The following PPL variants were observed in gnomAD, a reference collection of about 807,000 sequenced individuals.
PPL encodes the protein 190 kDa paraneoplastic pemphigus antigen.
Under a neutral mutation model 194.4 loss-of-function variants are expected in PPL, and 198 were observed. The ratio of observed to expected loss-of-function variants is 1.02; its 90% confidence interval spans 0.91 to 1.15. The LOEUF (loss-of-function observed/expected upper bound fraction) is 1.15, where lower values mean the gene tolerates loss of function less well. Among genes scored for constraint, PPL ranks in the 50% most tolerant of loss-of-function variants. The pLI, the probability that PPL is intolerant of heterozygous loss-of-function variation, is 0.00. For missense variants in PPL, 2,885 were observed against 2,294.8 expected (o/e 1.26, Z -5.25); for synonymous variants, 1,220 against 972.4 (o/e 1.25, Z -4.74).
intron 1 of PPL, among the ~76,000 whole-genome samples, chr16:4,926,559 G>A (rs17704487): frequency 0.12 from 18,554 of 152,072 alleles, 1,294 homozygotes; most frequent in African/African-American, 0.18. Flanking sequence ...GTAGGTTAAG[G>A]AAAAACACCC....
At chr16:4,891,764 C>G (rs1291122936) in intron 16 of PPL, 47 bp downstream of exon 16, 4 of 1,557,286 alleles carry the variant, frequency 2.6e-6, no homozygotes, top group East Asian at 2.3e-5. Context: ...GCCAGATGCT[C>G]TCACCTGCTC....
intron 2 of PPL, among the ~76,000 whole-genome samples, chr16:4,910,325 A>G (rs1245543603): frequency 6.6e-6 from 1 of 152,196 alleles, no homozygotes; most frequent in African/African-American, 2.4e-5. Flanking sequence ...CCTGTCCTAT[A>G]CCTGCATAAT....
chr16:4,936,590 G>A (rs2089301581), intron 1 of PPL, among the ~76,000 whole-genome samples: 2 of 152,202 alleles, frequency 1.3e-5, no homozygotes, highest in Non-Finnish European at 2.9e-5. Context: ...TTGAGTGCCC[G>A]GTCCTCCAAA....
In PPL at chr16:4,884,510, A is replaced by G. The variant is rs138912647; in HGVS notation, c.4145T>C (p.Ile1382Thr). The change falls in exon 22 of 22, where the codon ATT becomes ACT. Residue 1382 changes from isoleucine (I) to threonine (T), a missense_variant. By Grantham distance (89) the Ile-to-Thr change is moderately conservative. Transcript: ENST00000345988. The surrounding 1 kb of genome is among the most constrained non-coding windows in gnomAD (Gnocchi z 5.7). The stretch of plus-strand genomic sequence containing the variant: ...CCGCAGCTCTGCCCGCAGCTTGTCA[A>G]TCTGCCGCAGCTCCACATCGATGCT... ...AESIDVELRQ[I>T]DKLRAELRRL... 12 of 1,609,678 alleles carry G rather than the reference A, an allele frequency of 7.5e-6. No homozygotes were observed. Among genetic ancestry groups the G allele is most frequent in the African/African-American group, 4.0e-5 (3 of 74,788 alleles).
At chr16:4,905,361 T>C (rs924245287) in intron 2 of PPL, among the ~76,000 whole-genome samples, 4 of 152,128 alleles carry the variant, frequency 2.6e-5, no homozygotes, top group African/African-American at 7.2e-5. Context: ...GTGGGATCCA[T>C]TGATGTGAAG....
chr16:4,923,488 C>G lies in PPL; in HGVS notation c.63-12539G>C, dbSNP rs191692147. Among the ~76,000 whole-genome samples the G allele has an allele frequency of 1.2e-3, 185 of 152,308 alleles. 1 individual carries two copies. Among genetic ancestry groups the G allele is most frequent in the African/African-American group, 3.8e-3 (158 of 41,578 alleles). ...CCATGAATGGCAACCTTCCAGCCAT[C>G]AGCGACCTGGAAGGGGGCTCCCTGG... is the stretch of plus-strand genomic sequence containing the variant. On this transcript the variant is annotated intron_variant, in intron 1 of 21. Transcript: ENST00000345988.
Position 4,890,820 on chromosome 16 carries a change from G to T in PPL, c.2070C>A (p.Phe690Leu). ...GCTCCAGGTCCGGACAGTGCTCCTG[G>T]AAGCGGCTGGCCAGTGTGCTCGAGC... is the stretch of plus-strand genomic sequence containing the variant. ...KQCSSTLASR[F>L]QEHCPDLERQ... Residue 690 changes from phenylalanine (F) to leucine (L), a missense_variant, in exon 17 of 22, where the codon TTC (phenylalanine) becomes TTA (leucine). Physicochemically the swap from Phe to Leu is conservative, Grantham distance 22 (BLOSUM62 0). Coordinates refer to ENST00000345988, the MANE Select transcript of PPL (RefSeq NM_002705.5). 2 of 1,589,518 alleles carry T rather than the reference G, an allele frequency of 1.3e-6. No homozygotes were observed. Among genetic ancestry groups the T allele is most frequent in the Non-Finnish European group, 8.6e-7 (1 of 1,168,284 alleles).
At chr16:4,903,774 TA>T in intron 3 of PPL, 111 bp downstream of exon 3, 1 of 1,255,520 alleles carries the variant, frequency 8.0e-7, no homozygotes, top group Non-Finnish European at 1.1e-6. Context: ...GCCTGGCACC[TA>T]ATTAGCCCTT....
Position 4,883,569 on chromosome 16 carries a change from C to A in PPL, c.5086G>T (p.Glu1696Ter). ...TTGGGACCCTTCACTGAGATCTCCTCCCAGTCGCACTCCTGGCTTCTGAGT... is the reference window on the plus strand; with the variant it reads ...TTGGGACCCTTCACTGAGATCTCCTACCAGTCGCACTCCTGGCTTCTGAGT... ...VKLRSQECDW[E>*]EISVKGPNGE... The change falls in exon 22 of 22, where the codon GAG becomes TAG. Residue 1696 changes from glutamate to a stop codon, truncating the protein, a stop_gained. Transcript: ENST00000345988. LOFTEE classifies it high-confidence loss of function. The surrounding 1 kb of genome is among the most constrained non-coding windows in gnomAD (Gnocchi z 4.8). 1 of 1,614,170 alleles carries A rather than the reference C, an allele frequency of 6.2e-7. No individual in the cohort carries two copies. The highest frequency in any genetic ancestry group is 8.5e-7 in the Non-Finnish European group (1 of 1,180,026).
rs776832937 is a variant in PPL at position 4,895,337 on chromosome 16, A to AC, written c.1165dup (p.Val389GlyfsTer21). The AC allele has an allele frequency of 2.5e-6, 4 of 1,613,176 alleles. No homozygotes were observed. The South Asian group carries it at 4.4e-5, about 18-fold the overall frequency. ...AGTCTCCCGGCGGTACTTGAGGGGC[A>AC]CCACCTGCTGGCCTCGCTTCTGCAG... is the stretch of plus-strand genomic sequence containing the variant. On this transcript the variant is annotated frameshift_variant, in exon 11 of 22. Coordinates refer to ENST00000345988, the MANE Select transcript of PPL (RefSeq NM_002705.5). LOFTEE classifies it high-confidence loss of function.
At chr16:4,892,553 G>GT (rs1309335279) in intron 14 of PPL, among the ~76,000 whole-genome samples, 1 of 152,216 alleles carries the variant, frequency 6.6e-6, no homozygotes, top group Non-Finnish European at 1.5e-5. Context: ...CCAGTCACGG[G>GT]TGGGGGTGTG....
chr16:4,924,655 G>C (rs1007015016), intron 1 of PPL, among the ~76,000 whole-genome samples: 2 of 152,134 alleles, frequency 1.3e-5, no homozygotes, highest in African/African-American at 4.8e-5. Context: ...AAAACAACCT[G>C]GGGCTCCCCA....
chr16:4,920,713 G>A (rs981623422), intron 1 of PPL, among the ~76,000 whole-genome samples: 10 of 152,016 alleles, frequency 6.6e-5, no homozygotes, highest in African/African-American at 2.4e-4. Context: ...TGCCTGCTTC[G>A]GCCTCCCAAA....
chr16:4,893,873 A>G (rs2088368477), intron 12 of PPL: 5 of 564,218 alleles, frequency 8.9e-6, no homozygotes, highest in Non-Finnish European at 1.3e-5. Context: ...TTGTCTGTCC[A>G]ATAATCACCA....
chr16:4,885,182 A>G lies in PPL; in HGVS notation c.3473T>C (p.Ile1158Thr), dbSNP rs765723578. 6.2e-7 allele frequency: 1 copy of G among 1,613,530 alleles called. No individual in the cohort carries two copies. Among genetic ancestry groups the G allele is most frequent in the South Asian group, 1.1e-5 (1 of 91,066 alleles). ...GGCGTTCTCCTCCTCCAAGGCCCAT[A>G]TCTTTCGGAGCAGCTCCGTCTTCTC... ...QREKTELLRK[I>T]WALEEENAKV... is the part of the protein sequence containing the mutation. The change falls in exon 22 of 22, where the codon ATA becomes ACA. Residue 1158 changes from isoleucine (I) to threonine (T), a missense_variant. Ile to Thr is a moderately conservative substitution (Grantham distance 89, BLOSUM62 -1). Transcript: ENST00000345988. The surrounding 1 kb of genome is among the most constrained non-coding windows in gnomAD (Gnocchi z 6.3).
In PPL at chr16:4,902,894, G is replaced by C. The variant is rs1002100503; in HGVS notation, c.318-368C>G. The stretch of plus-strand genomic sequence containing the variant: ...AGTAGAGACGGGGTTTCACCATGTT[G>C]GTCAGGCTGGTCTCGAACTCCTGAC... On this transcript the variant is annotated intron_variant, in intron 3 of 21. Transcript: ENST00000345988. This position sits in a 1 kb window ranked among gnomAD's most constrained non-coding sequence, Gnocchi z 4.0. Among the ~76,000 whole-genome samples the C allele has an allele frequency of 6.6e-6, 1 of 152,120 alleles. No individual in the cohort carries two copies. Among genetic ancestry groups the C allele is most frequent in the Non-Finnish European group, 1.5e-5 (1 of 68,010 alleles).
chr16:4,902,619 T>C lies in PPL; in HGVS notation c.318-93A>G, dbSNP rs1212023755. The C allele has an allele frequency of 3.4e-6, 5 of 1,455,520 alleles. No homozygotes were observed. The highest frequency in any genetic ancestry group is 3.7e-6 in the Non-Finnish European group (4 of 1,072,566). The allele number at this position is 1,455,520 out of a possible 1,614,324, so 90.2% of individuals were successfully genotyped here. A position where few individuals can be genotyped will look rare whatever the true frequency, so the allele number is the denominator to read the frequency against. Reference sequence around the variant, plus strand: ...CACCCAGACCCCGGCCTCAGTGTCCTGGAAGGACACAGTGACCATATGGCC... The same window carrying C: ...CACCCAGACCCCGGCCTCAGTGTCCCGGAAGGACACAGTGACCATATGGCC... On this transcript the variant is annotated intron_variant, in intron 3 of 21. Coordinates refer to ENST00000345988, the MANE Select transcript of PPL (RefSeq NM_002705.5). This position sits in a 1 kb window ranked among gnomAD's most constrained non-coding sequence, Gnocchi z 4.0.
chr16:4,931,129 T>G (rs957050096), intron 1 of PPL, among the ~76,000 whole-genome samples: 2 of 152,030 alleles, frequency 1.3e-5, no homozygotes, highest in African/African-American at 4.8e-5. Context: ...TTTGGGAGGC[T>G]AAGGCAAGAG....
chr16:4,908,330 G>A (rs2088744134), intron 2 of PPL, among the ~76,000 whole-genome samples: 1 of 151,828 alleles, frequency 6.6e-6, no homozygotes, highest in African/African-American at 2.4e-5. Context: ...CTCTGTCTCT[G>A]CAAAAAAATA....
Sources: gnomAD v4.1 joint callset for allele counts (sites outside exome capture counted in the v4.1 genomes callset) on GRCh38, gnomAD v4.1.1 for gene constraint, Gnocchi (gnomAD v3.1) non-coding constraint, MANE v1.5 for transcripts, NCBI Gene and HGNC (gene_info 2026-07-23, HGNC 2026-07-21) for gene names.